Variants in SHH observed in about 807,000 individuals in gnomAD.
The protein encoded by SHH is sonic hedgehog signaling molecule, also known as sonic hedgehog protein.
A neutral mutation model predicts 16.6 loss-of-function variants in SHH; 3 were observed. That is an observed-to-expected ratio of 0.18 (90% CI 0.08 to 0.47). The LOEUF (loss-of-function observed/expected upper bound fraction) is 0.47, where lower values mean the gene tolerates loss of function less well. SHH is among the 20% of genes least tolerant of loss of function. SHH has a pLI of 0.98. For missense variants in SHH, 499 were observed against 665.0 expected (o/e 0.75, Z 2.75); for synonymous variants, 351 against 316.2 (o/e 1.11, Z -1.17).
intron 1 of SHH, among the ~76,000 whole-genome samples, chr7:155,810,392 G>C (rs1486826493): frequency 2.0e-5 from 3 of 152,242 alleles, no homozygotes; most frequent in Admixed American, 6.5e-5. Context: ...CCTCCTCCGC[G>C]GGGAGTGAGG....
In SHH at chr7:155,806,561, C is replaced by T. The variant is rs1563200913; in HGVS notation, c.301-4G>A. On this transcript the variant is annotated splice_region_variant and splice_polypyrimidine_tract_variant and intron_variant, in intron 1 of 2. Coordinates refer to ENST00000297261, the MANE Select transcript of SHH (RefSeq NM_000193.4). Reference sequence around the variant, plus strand: ...CGTTCAACTTGTCCTTACACCTCTGCGAAGACAAGGGGACCCCCACCGACG... The same window carrying T: ...CGTTCAACTTGTCCTTACACCTCTGTGAAGACAAGGGGACCCCCACCGACG... 6.2e-7 allele frequency: 1 copy of T among 1,610,360 alleles called. No homozygotes were observed. The highest frequency in any genetic ancestry group is 8.5e-7 in the Non-Finnish European group (1 of 1,180,014).
intron 2 of SHH, among the ~76,000 whole-genome samples, chr7:155,805,665 C>T (rs1224083372): frequency 6.6e-6 from 1 of 152,182 alleles, no homozygotes. Flanking sequence ...CGCGCCGACT[C>T]GGGCCGGCGT....
intron 1 of SHH, among the ~76,000 whole-genome samples, chr7:155,808,459 A>C (rs1289636205): frequency 6.6e-6 from 1 of 152,206 alleles, no homozygotes; most frequent in African/African-American, 2.4e-5. Context: ...GAGCTGCGCC[A>C]CTTGGGCAGG....
rs1361931460 is a variant in SHH at position 155,801,681 on chromosome 7, C to G, written c.*1219G>C. 6.6e-6 allele frequency: 1 copy of G among 152,206 alleles called. No homozygotes were observed. Among genetic ancestry groups the G allele is most frequent in the Non-Finnish European group, 1.5e-5 (1 of 68,038 alleles). 9.4% of individuals were successfully genotyped at this position (152,206 alleles called of 1,614,324 possible). On this transcript the variant is annotated 3_prime_UTR_variant, in exon 3 of 3. Transcript: ENST00000297261. Reference sequence around the variant, plus strand: ...AGAAGAAACAAGTTGGTTTGTGTGCCTACTTTGGTTACCTAAGTCAGTCAG... The same window carrying G: ...AGAAGAAACAAGTTGGTTTGTGTGCGTACTTTGGTTACCTAAGTCAGTCAG...
rs1490878231 is a variant in SHH, at chr7:155,803,677, C to A, written c.612G>T (p.Thr204=). ...TGGTGCCGCCCTGCTCCAGGTGCAC[C>A]GTGGCCGAGCCCGGGAAGCAGCCTC... ...KSGGCFPGSA[T]VHLEQGGTKL... Residue 204 remains threonine (T), a synonymous_variant, in exon 3 of 3, where the codon ACG becomes ACT. Coordinates refer to ENST00000297261, the MANE Select transcript of SHH (RefSeq NM_000193.4). The A allele has an allele frequency of 6.3e-7, 1 of 1,597,754 alleles. No homozygotes were observed. The highest frequency in any genetic ancestry group is 8.5e-7 in the Non-Finnish European group (1 of 1,179,356).
chr7:155,808,915 G>C (rs894523708), intron 1 of SHH: 1 of 152,256 alleles, frequency 6.6e-6, no homozygotes, highest in Non-Finnish European at 1.5e-5. Context: ...CTTCAAGACA[G>C]CCCCAGCCCC....
intron 1 of SHH, 87 bp from the exon 2 acceptor site, chr7:155,806,644 C>G (rs1803370927): frequency 1.2e-5 from 19 of 1,560,340 alleles, no homozygotes; most frequent in Non-Finnish European, 1.7e-5. Context: ...CCTGCCCTGC[C>G]CAGTCTCAAG....
In SHH at chr7:155,811,901, C is replaced by A. The variant is rs1803531430; in HGVS notation, c.222G>T (p.Lys74Asn). ...GKISRNSERF[K>N]ELTPNYNPDI... ...CGGGGTTGTAATTGGGGGTGAGTTC[C>A]TTAAATCGCTCGGAGTTTCTGGAGA... is the stretch of plus-strand genomic sequence containing the variant. The change falls in exon 1 of 3, where the codon AAG becomes AAT. Residue 74 changes from lysine (K) to asparagine (N), a missense_variant. By Grantham distance (94) the Lys-to-Asn change is moderately conservative. Coordinates refer to ENST00000297261, the MANE Select transcript of SHH (RefSeq NM_000193.4). 6.2e-7 allele frequency: 1 copy of A among 1,614,026 alleles called. No homozygotes were observed. Among genetic ancestry groups the A allele is most frequent in the Non-Finnish European group, 8.5e-7 (1 of 1,180,042 alleles).
chr7:155,803,817 C>T, intron 2 of SHH, 91 bp from the exon 3 acceptor site: 1 of 1,178,922 alleles, frequency 8.5e-7, no homozygotes, highest in Non-Finnish European at 1.2e-6. Context: ...ACGCTTGGTG[C>T]CCGCGCTCCT....
intron 1 of SHH, among the ~76,000 whole-genome samples, chr7:155,811,085 C>T (rs1803512601): frequency 6.6e-6 from 1 of 152,222 alleles, no homozygotes; most frequent in African/African-American, 2.4e-5. Context: ...TAAGTCCCTC[C>T]CCTAAGGTAC....
chr7:155,803,082 C>T lies in SHH; in HGVS notation c.1207G>A (p.Gly403Ser), dbSNP rs1470519977. ...ARTDRGGDSG[G>S]GDRGGGGGRV... is the part of the protein sequence containing the mutation. ...CCGCCGCCGCCCCCGCGGTCCCCGC[C>T]GCCGCTGTCCCCGCCGCGGTCCGTG... The change falls in exon 3 of 3, where the codon GGC becomes AGC. Residue 403 changes from glycine (G) to serine (S), a missense_variant. Physicochemically the swap from Gly to Ser is moderately conservative, Grantham distance 56. Coordinates refer to ENST00000297261, the MANE Select transcript of SHH (RefSeq NM_000193.4). The T allele has an allele frequency of 1.5e-6, 2 of 1,353,348 alleles. No homozygotes were observed. Among genetic ancestry groups the T allele is most frequent in the Middle Eastern group, 2.5e-4 (1 of 4,068 alleles). 83.8% of individuals were successfully genotyped at this position (1,353,348 alleles called of 1,614,324 possible).
chr7:155,812,250 T>TC lies in SHH; in HGVS notation c.-129dup. ...TCCTCGCTCCGGCTCGCCCGCTCGC[T>TC]CTCTCCCTCGCTGGCTGCCTCGCTC... On this transcript the variant is annotated 5_prime_UTR_variant, in exon 1 of 3. Transcript: ENST00000297261. 1 of 892,738 alleles carries TC rather than the reference T, an allele frequency of 1.1e-6. No homozygotes were observed. Among genetic ancestry groups the TC allele is most frequent in the South Asian group, 1.4e-5 (1 of 72,436 alleles). The allele number at this position is 892,738 out of a possible 1,614,324, so 55.3% of individuals were successfully genotyped here.
rs1249701121 is a variant in SHH at position 155,800,085 on chromosome 7, CATG to C, written c.*2812_*2814del. 2.5e-5 allele frequency: 12 copies of C among 471,574 alleles called. No homozygotes were observed. Among genetic ancestry groups the C allele is most frequent in the African/African-American group, 2.4e-4 (12 of 50,080 alleles). The allele number at this position is 471,574 out of a possible 1,614,324, so 29.2% of individuals were successfully genotyped here. ...TGACAGGAATAGATATGCATTTAGTCATGAGGGAGGCTGGCAGCAACCACCATG... is the reference window on the plus strand; with the variant it reads ...TGACAGGAATAGATATGCATTTAGTCAGGGAGGCTGGCAGCAACCACCATG... On this transcript the variant is annotated 3_prime_UTR_variant, in exon 3 of 3. Transcript: ENST00000297261.
chr7:155,806,208 C>A, intron 2 of SHH, 88 bp downstream of exon 2: 2 of 1,532,540 alleles, frequency 1.3e-6, no homozygotes, highest in Non-Finnish European at 1.8e-6. Flanking sequence ...CCCTCAGCCT[C>A]CCCCCAGGTT....
intron 1 of SHH, chr7:155,808,959 A>C (rs1233557): frequency 0.91 from 139,067 of 152,432 alleles, 63,554 homozygotes; most frequent in East Asian, 0.98. Flanking sequence ...CTTTCCCCCA[A>C]GCTTGGTGGA....
At chr7:155,806,762 G>A (rs1803375541) in intron 1 of SHH, 3 of 703,110 alleles carry the variant, frequency 4.3e-6, no homozygotes, top group South Asian at 1.6e-5. Flanking sequence ...GCGGAGGAGC[G>A]TGGAGGAGCA....
chr7:155,811,225 G>A (rs1803516038), intron 1 of SHH, among the ~76,000 whole-genome samples: 1 of 152,266 alleles, frequency 6.6e-6, no homozygotes, highest in South Asian at 2.1e-4. Context: ...GGGACGGGCG[G>A]AGTCTCCCCT....
chr7:155,809,849 G>A lies in SHH; in HGVS notation c.300+1974C>T, dbSNP rs1198881156. The stretch of plus-strand genomic sequence containing the variant: ...GGACGGGGGTCGGGGGGAGGCCCCC[G>A]GGCTGGGGGCTCCGGCTGGGACGCG... On this transcript the variant is annotated intron_variant, in intron 1 of 2. Coordinates refer to ENST00000297261, the MANE Select transcript of SHH (RefSeq NM_000193.4). This position sits in a 1 kb window ranked among gnomAD's most constrained non-coding sequence, Gnocchi z 6.1. Among the ~76,000 whole-genome samples the A allele has an allele frequency of 6.6e-6, 1 of 151,624 alleles. No homozygotes were observed. The highest frequency in any genetic ancestry group is 6.6e-5 in the Admixed American group (1 of 15,222).
chr7:155,803,757 G>A, intron 2 of SHH, 31 bp from the exon 3 acceptor site: 4 of 1,564,556 alleles, frequency 2.6e-6, no homozygotes, highest in Non-Finnish European at 3.5e-6. Flanking sequence ...AAGAAGAGAG[G>A]ACAGGGCATT....
Sources: gnomAD v4.1 joint callset for allele counts (sites outside exome capture counted in the v4.1 genomes callset) on GRCh38, gnomAD v4.1.1 for gene constraint, Gnocchi (gnomAD v3.1) non-coding constraint, MANE v1.5 for transcripts, NCBI Gene and HGNC (gene_info 2026-07-23, HGNC 2026-07-21) for gene names.